NLRP1: variants seen among roughly 807,000 people sequenced by gnomAD.
NLRP1 encodes NACHT, LRR and PYD domains-containing protein 1.
Under a neutral mutation model 136.7 loss-of-function variants are expected in NLRP1, and 94 were observed. The observed-to-expected ratio is 0.69, with a 90% CI of 0.58 to 0.82. The LOEUF (loss-of-function observed/expected upper bound fraction) is 0.82. Among genes scored for constraint, NLRP1 ranks in the 40% least tolerant of loss-of-function variants. The probability of loss-of-function intolerance (pLI) is 0.00; values close to 1 mark genes in which losing one functional copy is unlikely to be tolerated. For missense variants in NLRP1, 1,575 were observed against 1,802.7 expected (o/e 0.87, Z 2.29); for synonymous variants, 690 against 725.1 (o/e 0.95, Z 0.78).
chr17:5,506,861 CA>C (rs1907364148), intron 15 of NLRP1, among the ~76,000 whole-genome samples: 1 of 145,530 alleles, frequency 6.9e-6, no homozygotes, highest in Non-Finnish European at 1.5e-5. Flanking sequence ...GAGACTGCAC[CA>C]CTGCACTCCA....
At chr17:5,544,987 G>C (rs1912385568) in intron 5 of NLRP1, among the ~76,000 whole-genome samples, 1 of 152,052 alleles carries the variant, frequency 6.6e-6, no homozygotes, top group African/African-American at 2.4e-5. Context: ...GCTGAAGGTG[G>C]GGCCTGGTTA....
intron 15 of NLRP1, among the ~76,000 whole-genome samples, chr17:5,517,305 G>C (rs889812800): frequency 7.0e-6 from 1 of 143,764 alleles, no homozygotes; most frequent in African/African-American, 2.5e-5. Flanking sequence ...CCTACCTCCT[G>C]TGGGCTATTT....
At chr17:5,523,662 C>G (rs1909181538) in intron 12 of NLRP1, among the ~76,000 whole-genome samples, 1 of 152,136 alleles carries the variant, frequency 6.6e-6, no homozygotes, top group South Asian at 2.1e-4. Flanking sequence ...GAGACACTGG[C>G]CTAGGGATCA....
intron 14 of NLRP1, among the ~76,000 whole-genome samples, chr17:5,519,445 CTTT>C (rs74550306): frequency 4.6e-5 from 6 of 131,764 alleles, no homozygotes; most frequent in African/African-American, 8.5e-5. Flanking sequence ...CACACCTGGC[CTTT>C]TTTTTTTTTT....
At position 5,514,992 on chromosome 17, in the gene NLRP1, G is replaced by A. The variant is rs200352367; in HGVS notation, c.4184C>T (p.Ser1395Leu). 4.0e-4 allele frequency: 642 copies of A among 1,614,048 alleles called. 1 individual carries two copies. Among genetic ancestry groups the A allele is most frequent in the Non-Finnish European group, 4.9e-4 (577 of 1,180,032 alleles). ...YREQLIARVTSVEVVLDKLHG... is the reference protein window; with the variant it reads ...YREQLIARVTLVEVVLDKLHG... ...CAGTTTGTCCAAGACAACCTCCACC[G>A]ATGTCACTCGGGCTATCAGCTGCTC... Residue 1395 changes from serine to leucine, a missense_variant, in exon 17 of 17, where the codon TCG (serine) becomes TTG (leucine). Coordinates refer to ENST00000572272, the MANE Select transcript of NLRP1 (RefSeq NM_033004.4).
intron 3 of NLRP1, among the ~76,000 whole-genome samples, chr17:5,576,486 T>C (rs1905031843): frequency 6.6e-6 from 1 of 152,180 alleles, no homozygotes; most frequent in Non-Finnish European, 1.5e-5. Flanking sequence ...CATCAGAGAA[T>C]ACTATAAACA....
rs199612823 is a variant in NLRP1 at position 5,583,967 on chromosome 17, G to C, written c.-10C>G. ...AGGCTCCGCCAGCCATCTCTGTCCC[G>C]GAGTTAAGAGGGTGTCTGGGGGATG... On this transcript the variant is annotated 5_prime_UTR_variant, in exon 1 of 17. Transcript: ENST00000572272. The surrounding 1 kb of genome is among the most constrained non-coding windows in gnomAD (Gnocchi z 4.5). 3 of 1,605,390 alleles carry C rather than the reference G, an allele frequency of 1.9e-6. No homozygotes were observed. Among genetic ancestry groups the C allele is most frequent in the Non-Finnish European group, 1.7e-6 (2 of 1,175,628 alleles).
At chr17:5,517,350 A>AGCC (rs1908249471) in intron 15 of NLRP1, among the ~76,000 whole-genome samples, 1 of 47,380 alleles carries the variant, frequency 2.1e-5, no homozygotes, top group African/African-American at 8.2e-5. Flanking sequence ...TGCACTCTGC[A>AGCC]CCCCCCCCCC....
chr17:5,515,819 T>G (rs1216545994), intron 15 of NLRP1, among the ~76,000 whole-genome samples: 1 of 152,226 alleles, frequency 6.6e-6, no homozygotes, highest in East Asian at 1.9e-4. Flanking sequence ...TAATCCCGTG[T>G]TGGCCTGAAT....
chr17:5,533,062 G>C, intron 10 of NLRP1, 78 bp from the exon 11 acceptor site: 2 of 1,496,312 alleles, frequency 1.3e-6, no homozygotes, highest in Non-Finnish European at 1.8e-6. Context: ...ACTGTAAGGG[G>C]CCCTTCCCAA....
In NLRP1 at chr17:5,536,310, A is replaced by G. The variant is rs571439591; in HGVS notation, c.2960+541T>C. On this transcript the variant is annotated intron_variant, in intron 8 of 16. Coordinates refer to ENST00000572272, the MANE Select transcript of NLRP1 (RefSeq NM_033004.4). Reference sequence around the variant, plus strand: ...ACTACAGGCGTGCGTCACCACACCCAGCTAATTTTTGTATTTTTAGTAGAG... The same window carrying G: ...ACTACAGGCGTGCGTCACCACACCCGGCTAATTTTTGTATTTTTAGTAGAG... Among the ~76,000 whole-genome samples, 514 of 151,826 alleles carry G rather than the reference A, an allele frequency of 3.4e-3. 2 individuals carry two copies. The highest frequency in any genetic ancestry group is 4.1e-3 in the Non-Finnish European group (280 of 67,940).
intron 5 of NLRP1, among the ~76,000 whole-genome samples, chr17:5,548,598 A>G (rs1227709690): frequency 2.0e-5 from 3 of 152,164 alleles, no homozygotes; most frequent in Non-Finnish European, 4.4e-5. Flanking sequence ...TGAAGAAAGT[A>G]TATTTGTGGT....
intron 4 of NLRP1, 100 bp from the exon 5 acceptor site, chr17:5,553,656 AC>A: frequency 9.3e-7 from 1 of 1,074,826 alleles, no homozygotes; most frequent in Non-Finnish European, 1.4e-6. Context: ...CCCCCTGAGC[AC>A]CAGGCCACAG....
chr17:5,569,028 C>A (rs1045148677), intron 3 of NLRP1, among the ~76,000 whole-genome samples: 1 of 152,058 alleles, frequency 6.6e-6, no homozygotes, highest in African/African-American at 2.4e-5. Flanking sequence ...CCAAACTAAG[C>A]CTTATAAGCG....
intron 12 of NLRP1, among the ~76,000 whole-genome samples, chr17:5,526,905 TG>T: frequency 6.6e-6 from 1 of 152,338 alleles, no homozygotes; most frequent in South Asian, 2.1e-4. Context: ...AAACTCACCA[TG>T]GAAAGTTAAT....
In NLRP1 at chr17:5,514,430, C is replaced by T. The variant is rs1018777041; in HGVS notation, c.*324G>A. 1.0e-4 allele frequency: 123 copies of T among 1,189,510 alleles called. No individual in the cohort carries two copies. The highest frequency in any genetic ancestry group is 1.2e-4 in the Non-Finnish European group (118 of 949,700). The allele number at this position is 1,189,510 out of a possible 1,614,324, so 73.7% of individuals were successfully genotyped here. A position where few individuals can be genotyped will look rare whatever the true frequency, so the allele number is the denominator to read the frequency against. The stretch of plus-strand genomic sequence containing the variant: ...AGAGGCAAATGGTTCCATGTCCCTC[C>T]TATTCCTCTTTGCGCCTGGATGGGA... On this transcript the variant is annotated 3_prime_UTR_variant, in exon 17 of 17. Coordinates refer to ENST00000572272, the MANE Select transcript of NLRP1 (RefSeq NM_033004.4).
At chr17:5,570,783 C>T (rs962680290) in intron 3 of NLRP1, among the ~76,000 whole-genome samples, 4 of 151,984 alleles carry the variant, frequency 2.6e-5, no homozygotes, top group African/African-American at 7.3e-5. Context: ...CATTCTGATA[C>T]CGAAACCTGG....
At chr17:5,510,649 G>A (rs945104222), downstream of NLRP1, among the ~76,000 whole-genome samples, 1 of 151,928 alleles carries the variant, frequency 6.6e-6, no homozygotes, top group East Asian at 1.9e-4. Context: ...TTACAGGCAT[G>A]AGCCACTGCA....
chr17:5,552,084 CTTTTTTTTTTTTTTTTTTTT>C (rs71151872), intron 5 of NLRP1, among the ~76,000 whole-genome samples: 3 of 96,674 alleles, frequency 3.1e-5, no homozygotes, highest in East Asian at 8.5e-4. Context: ...TCTATCTTTC[CTTTTTTTTTTTTTTTTTTTT>C]TTTTTTTTTT....
Sources: gnomAD v4.1 joint callset for allele counts (sites outside exome capture counted in the v4.1 genomes callset) on GRCh38, gnomAD v4.1.1 for gene constraint, Gnocchi (gnomAD v3.1) non-coding constraint, MANE v1.5 for transcripts, NCBI Gene and HGNC (gene_info 2026-07-23, HGNC 2026-07-21) for gene names.